BLTP1: variants seen among roughly 807,000 people sequenced by gnomAD.
BLTP1 encodes the protein fragile site-associated protein.
At chr4:122,224,605 C>T in the BLTP1 span, 12 of 1,614,074 alleles carry the variant, frequency 7.4e-6, no homozygotes, top group East Asian at 2.2e-5. Flanking sequence ...CTTTGGGAAG[C>T]GATTCCTTAG....
At chr4:122,281,278 T>G in the BLTP1 span, 1 of 976,740 alleles carries the variant, frequency 1.0e-6, no homozygotes, top group Non-Finnish European at 1.2e-6. Context: ...AATCCCAGTT[T>G]TGTAATAATG....
At chr4:122,341,298 T>C in the BLTP1 span, among the ~76,000 whole-genome samples, 14 of 152,196 alleles carry the variant, frequency 9.2e-5, no homozygotes, top group Non-Finnish European at 1.9e-4. Flanking sequence ...GGACACCAGC[T>C]CACTGTATTC....
chr4:122,316,446 C>T, the BLTP1 span: 1 of 486,364 alleles, frequency 2.1e-6, no homozygotes, highest in South Asian at 1.5e-5. Context: ...CAAATCAGCG[C>T]CATTCTGTTC....
At chr4:122,196,519 A>G in the BLTP1 span, 1 of 776,224 alleles carries the variant, frequency 1.3e-6, no homozygotes, top group Non-Finnish European at 2.0e-6. Context: ...AAAACAGTCT[A>G]ATTGTCAAAT....
the BLTP1 span, among the ~76,000 whole-genome samples, chr4:122,302,436 A>C: frequency 5.3e-5 from 8 of 152,278 alleles, no homozygotes; most frequent in African/African-American, 1.9e-4. Flanking sequence ...CAATATTTCA[A>C]ACTTTTTCAT....
chr4:122,181,340 C>A, the BLTP1 span: 1 of 391,406 alleles, frequency 2.6e-6, no homozygotes, highest in Non-Finnish European at 3.5e-6. Context: ...CCTGATAGAG[C>A]AATTCAAAAA....
the BLTP1 span, among the ~76,000 whole-genome samples, chr4:122,167,011 T>C: frequency 1.1e-4 from 16 of 152,180 alleles, no homozygotes; most frequent in African/African-American, 3.1e-4. Context: ...TATCTTTACT[T>C]TCTGTCCCTT....
chr4:122,224,043 A>T, the BLTP1 span: 2 of 979,394 alleles, frequency 2.0e-6, no homozygotes, highest in Middle Eastern at 5.2e-4. Flanking sequence ...CATAGTCCTC[A>T]GAATCTATAT....
the BLTP1 span, among the ~76,000 whole-genome samples, chr4:122,267,159 TGCCATTC>T: frequency 2.8e-5 from 4 of 143,966 alleles, no homozygotes; most frequent in African/African-American, 1.1e-4. Context: ...CCCGGGTTCA[TGCCATTC>T]TCCTGCCTCA....
chr4:122,190,171 A>G, the BLTP1 span: 1 of 1,498,774 alleles, frequency 6.7e-7, no homozygotes, highest in East Asian at 2.4e-5. Flanking sequence ...ATCATAGTCC[A>G]CTATACCCTT....
At chr4:122,346,011 G>A in the BLTP1 span, 1 of 984,692 alleles carries the variant, frequency 1.0e-6, no homozygotes, top group African/African-American at 1.7e-5. Flanking sequence ...GGAAGGTTCT[G>A]GTAGACAACT....
chr4:122,322,552 T>G, the BLTP1 span, among the ~76,000 whole-genome samples: 3 of 152,176 alleles, frequency 2.0e-5, no homozygotes, highest in Admixed American at 6.6e-5. Flanking sequence ...ATTGTGTTTT[T>G]TGCTATTTGA....
At chr4:122,254,956 G>T in the BLTP1 span, 5 of 1,597,876 alleles carry the variant, frequency 3.1e-6, no homozygotes, top group Non-Finnish European at 8.5e-7. Flanking sequence ...AGCATTAGAG[G>T]TATGTCTTTA....
the BLTP1 span, chr4:122,324,295 C>T: frequency 5.8e-6 from 5 of 866,340 alleles, no homozygotes; most frequent in African/African-American, 1.7e-5. Context: ...TATTTTGACT[C>T]ATATTGTTAA....
chr4:122,155,371 T>A, the BLTP1 span, among the ~76,000 whole-genome samples: 1 of 151,676 alleles, frequency 6.6e-6, no homozygotes, highest in African/African-American at 2.4e-5. Context: ...CCTCCCAGGC[T>A]GGAGTGCAGT....
At chr4:122,344,468 C>T in the BLTP1 span, 2 of 1,613,932 alleles carry the variant, frequency 1.2e-6, no homozygotes, top group Non-Finnish European at 1.7e-6. Context: ...GAGTTTGTCA[C>T]GGATCAGGCG....
At chr4:122,361,915 C>G in the BLTP1 span, 1 of 1,184,388 alleles carries the variant, frequency 8.4e-7, no homozygotes, top group African/African-American at 1.5e-5. Flanking sequence ...AATGTACCTA[C>G]TGAAAATATT....
the BLTP1 span, among the ~76,000 whole-genome samples, chr4:122,284,777 T>C: frequency 1.3e-5 from 2 of 152,222 alleles, no homozygotes; most frequent in African/African-American, 4.8e-5. Context: ...AATCTCTTGT[T>C]GTGCCTGATT....
chr4:122,152,387 G>A, the BLTP1 span: 112 of 985,018 alleles, frequency 1.1e-4, no homozygotes, highest in Non-Finnish European at 1.3e-4. Flanking sequence ...CCCCTTGGGT[G>A]TCGGTGGCTG....
Sources: gnomAD v4.1 joint callset for allele counts (sites outside exome capture counted in the v4.1 genomes callset) on GRCh38, gnomAD v4.1.1 for gene constraint, MANE v1.5 for transcripts, NCBI Gene and HGNC (gene_info 2026-07-23, HGNC 2026-07-21) for gene names.